TBL1X: variants seen among roughly 807,000 people sequenced by gnomAD.
The protein encoded by TBL1X is F-box-like/WD repeat-containing protein TBL1X.
TBL1X carries 10 observed loss-of-function variants against 50.7 expected under a neutral mutation model. The observed-to-expected ratio is 0.20, with a 90% confidence interval of 0.12 to 0.33. The LOEUF (loss-of-function observed/expected upper bound fraction) is 0.33. TBL1X is among the 10% of genes least tolerant of loss of function. The pLI is 1.00. For missense variants in TBL1X, 340 were observed against 504.4 expected (o/e 0.67, Z 3.12); for synonymous variants, 190 against 214.7 (o/e 0.88, Z 1.01).
rs146350735 is a variant in TBL1X at position 9,650,609 on chromosome X, C to G, written c.-42-2936C>G. On this transcript the variant is annotated intron_variant, in intron 3 of 17. Transcript: ENST00000645353. The stretch of plus-strand genomic sequence containing the variant: ...CTTCCTTTCCACGGGACTCCAGATT[C>G]ATGCCGGTCCCACTAGCCCTGTTGC... Among the ~76,000 whole-genome samples the G allele has an allele frequency of 3.3e-3, 374 of 111,798 alleles. 2 individuals carry two copies. The highest frequency in any genetic ancestry group is 0.011 in the African/African-American group (348 of 30,787).
intron 2 of TBL1X, among the ~76,000 whole-genome samples, chrX:9,593,405 A>AAAT (rs201782729): frequency 1.1e-3 from 114 of 102,162 alleles, no homozygotes; most frequent in African/African-American, 1.4e-3. Flanking sequence ...TCCATCTTAA[A>AAAT]AATAATAATA....
At chrX:9,663,528 G>A (rs1787024591) in intron 5 of TBL1X, among the ~76,000 whole-genome samples, 1 of 111,767 alleles carries the variant, frequency 8.9e-6, no homozygotes, top group Admixed American at 9.5e-5. Context: ...GGAAGCCTAG[G>A]TGGGCAGATC....
In TBL1X at chrX:9,674,680, G is replaced by GCCCCCCCCCCCCCC. The variant is rs57080019; in HGVS notation, c.212-9352_212-9339dup. The stretch of plus-strand genomic sequence containing the variant: ...GGGCACAAATGATCCTCCCGCCTCA[G>GCCCCCCCCCCCCCC]CCCCCCCCCCCCCCCCCCCCCCCCA... On this transcript the variant is annotated intron_variant, in intron 5 of 17. Coordinates refer to ENST00000645353, the MANE Select transcript of TBL1X (RefSeq NM_005647.4). Among the ~76,000 whole-genome samples the GCCCCCCCCCCCCCC allele has an allele frequency of 5.0e-4, 2 of 4,012 alleles. 1 individual carries two copies. The highest frequency in any genetic ancestry group is 1.1e-3 in the Non-Finnish European group (2 of 1,888). The allele number at this position is 4,012 out of a possible 115,157, so 3.5% of individuals were successfully genotyped here. A position where few individuals can be genotyped will look rare whatever the true frequency, so the allele number is the denominator to read the frequency against.
chrX:9,465,927 C>T (rs183215007), intron 1 of TBL1X, among the ~76,000 whole-genome samples: 77 of 113,102 alleles, frequency 6.8e-4, no homozygotes, highest in Admixed American at 1.0e-3. Context: ...CGCGGGCCGG[C>T]CCTCCCGGAC....
intron 7 of TBL1X, among the ~76,000 whole-genome samples, chrX:9,688,496 A>G (rs1193456496): frequency 2.7e-5 from 3 of 112,374 alleles, no homozygotes; most frequent in Middle Eastern, 4.2e-3. Context: ...ACTTTAGGAA[A>G]TCGTGCTGCG....
intron 2 of TBL1X, among the ~76,000 whole-genome samples, chrX:9,557,076 AGTT>A (rs2082304435): frequency 8.9e-6 from 1 of 111,743 alleles, no homozygotes; most frequent in South Asian, 3.7e-4. Flanking sequence ...ATGCAACTTA[AGTT>A]GTTCATGGTT....
At chrX:9,652,812 C>G (rs907254469) in intron 3 of TBL1X, among the ~76,000 whole-genome samples, 2 of 105,596 alleles carry the variant, frequency 1.9e-5, no homozygotes, top group African/African-American at 7.0e-5. Flanking sequence ...GATCATGCCA[C>G]TGCTCTCCAG....
intron 5 of TBL1X, among the ~76,000 whole-genome samples, chrX:9,681,065 G>C (rs943890947): frequency 4.5e-5 from 5 of 112,273 alleles, no homozygotes; most frequent in Non-Finnish European, 9.4e-5. Flanking sequence ...ATCATGTAGA[G>C]AGATAAAGTT....
intron 2 of TBL1X, among the ~76,000 whole-genome samples, chrX:9,510,515 CACGGGGCCGTGTCCAG>C (rs112172675): frequency 0.14 from 15,418 of 111,733 alleles, 851 homozygotes; most frequent in South Asian, 0.28. Context: ...GACTGTGGCC[CACGGGGCCGTGTCCAG>C]ACTTGGCACA....
intron 2 of TBL1X, among the ~76,000 whole-genome samples, chrX:9,539,047 A>C (rs1444565830): frequency 8.9e-6 from 1 of 112,314 alleles, no homozygotes; most frequent in Non-Finnish European, 1.9e-5. Context: ...GGAGATACTG[A>C]GAGGAGGGGA....
chrX:9,576,397 A>T (rs767880546), intron 2 of TBL1X, among the ~76,000 whole-genome samples: 31 of 112,373 alleles, frequency 2.8e-4, no homozygotes, highest in South Asian at 1.5e-3. Flanking sequence ...CCATCGGGAG[A>T]GATTGACCTG....
At chrX:9,582,429 T>C (rs2082447503) in intron 2 of TBL1X, among the ~76,000 whole-genome samples, 1 of 112,592 alleles carries the variant, frequency 8.9e-6, no homozygotes. Context: ...CCTGGTATAG[T>C]ACATCTAATA....
chrX:9,669,826 G>A lies in TBL1X; in HGVS notation c.212-14217G>A, dbSNP rs568773274. ...TCATAGCCCACACCTTAAGAATAAG[G>A]TGTTATAAAACCCAAAGGGAGGGAT... On this transcript the variant is annotated intron_variant, in intron 5 of 17. Transcript: ENST00000645353. Among the ~76,000 whole-genome samples, 15 of 111,152 alleles carry A rather than the reference G, an allele frequency of 1.3e-4. No individual in the cohort carries two copies. The South Asian group carries it at 4.6e-3, about 34-fold the overall frequency.
chrX:9,587,920 T>TTG (rs1463771228), intron 2 of TBL1X, among the ~76,000 whole-genome samples: 2 of 109,366 alleles, frequency 1.8e-5, no homozygotes, highest in Non-Finnish European at 3.8e-5. Context: ...CTGACTTCTT[T>TTG]CACTCTGCGT....
intron 2 of TBL1X, among the ~76,000 whole-genome samples, chrX:9,565,619 C>T (rs1297975689): frequency 1.8e-5 from 2 of 110,850 alleles, no homozygotes; most frequent in Non-Finnish European, 3.8e-5. Context: ...ACTAGAGCCC[C>T]GGTGTTTGAG....
At chrX:9,565,154 C>G (rs1286440878) in intron 2 of TBL1X, among the ~76,000 whole-genome samples, 8 of 105,674 alleles carry the variant, frequency 7.6e-5, no homozygotes, top group African/African-American at 2.8e-4. Context: ...CACCTGTAGT[C>G]CCAGCTACTC....
At chrX:9,508,752 C>T (rs777459434) in intron 2 of TBL1X, among the ~76,000 whole-genome samples, 16 of 111,910 alleles carry the variant, frequency 1.4e-4, no homozygotes, top group African/African-American at 5.2e-4. Flanking sequence ...GAATACTATG[C>T]AGCCATAAAA....
intron 2 of TBL1X, among the ~76,000 whole-genome samples, chrX:9,593,421 A>AATG (rs1569068612): frequency 4.6e-5 from 5 of 109,585 alleles, no homozygotes; most frequent in African/African-American, 1.7e-4. Context: ...TAATAATAAT[A>AATG]ATAATAAGGT....
At chrX:9,535,423 G>A (rs2082182939) in intron 2 of TBL1X, among the ~76,000 whole-genome samples, 1 of 111,923 alleles carries the variant, frequency 8.9e-6, no homozygotes, top group Non-Finnish European at 1.9e-5. Flanking sequence ...TGCCTCCAGA[G>A]TTTTAACTGG....
Sources: gnomAD v4.1 joint callset for allele counts (sites outside exome capture counted in the v4.1 genomes callset) on GRCh38, gnomAD v4.1.1 for gene constraint, MANE v1.5 for transcripts, NCBI Gene and HGNC (gene_info 2026-07-23, HGNC 2026-07-21) for gene names.